TMEM268: variants seen among roughly 807,000 people sequenced by gnomAD.
TMEM268 encodes transmembrane protein 268.
A neutral mutation model predicts 39.1 loss-of-function variants in TMEM268; 24 were observed. That is an observed-to-expected ratio of 0.61 (90% CI 0.44 to 0.86). The LOEUF (loss-of-function observed/expected upper bound fraction) is 0.86. TMEM268 is among the 40% of genes least tolerant of loss of function. The probability of loss-of-function intolerance (pLI) is 0.00; values close to 1 mark genes in which losing one functional copy is unlikely to be tolerated. For missense variants in TMEM268, 409 were observed against 428.6 expected (o/e 0.95, Z 0.40); for synonymous variants, 176 against 173.5 (o/e 1.01, Z -0.12).
the TMEM268 span, among the ~76,000 whole-genome samples, chr9:114,603,956 G>C: frequency 2.0e-5 from 3 of 151,914 alleles, no homozygotes; most frequent in Admixed American, 1.3e-4. Flanking sequence ...CCTGCTAACA[G>C]CTTTCTATGT....
chr9:114,609,731 G>GAA (rs1554755158), upstream of TMEM268, among the ~76,000 whole-genome samples: 1,537 of 76,242 alleles, frequency 0.02, 26 homozygotes, highest in African/African-American at 0.08. Flanking sequence ...AAAAGAAAAA[G>GAA]AAGGAAGGAA....
upstream of TMEM268, among the ~76,000 whole-genome samples, chr9:114,606,448 A>C (rs1050020171): frequency 3.3e-5 from 5 of 152,180 alleles, no homozygotes; most frequent in African/African-American, 1.2e-4. Context: ...TCATTTGAGG[A>C]TGTGACTTCC....
At chr9:114,615,426 G>C (rs921354302) in intron 1 of TMEM268, 6 of 152,328 alleles carry the variant, frequency 3.9e-5, no homozygotes, top group Non-Finnish European at 5.9e-5. Flanking sequence ...ACTAAGAGGT[G>C]GTAGAGCTGG....
In TMEM268 at chr9:114,626,947, C is replaced by A; in HGVS notation, c.265C>A (p.Pro89Thr). The A allele has an allele frequency of 6.2e-7, 1 of 1,613,732 alleles. No individual in the cohort carries two copies. Among genetic ancestry groups the A allele is most frequent in the South Asian group, 1.1e-5 (1 of 91,064 alleles). The change falls in exon 4 of 9, where the codon CCC becomes ACC. Residue 89 changes from proline to threonine, a missense_variant. Physicochemically the swap from Pro to Thr is conservative, Grantham distance 38. Transcript: ENST00000288502. ...RSLAESALLE[P>T]QVRRYIIYNS... The stretch of plus-strand genomic sequence containing the variant: ...CTTGGCTGAGAGTGCCCTCTTGGAG[C>A]CCCAAGTGAGAAGATATATCATCTA...
upstream of TMEM268, chr9:114,611,257 G>C (rs2133576382): frequency 6.6e-6 from 1 of 152,316 alleles, no homozygotes; most frequent in Non-Finnish European, 1.5e-5. Flanking sequence ...TCCGCGCGGA[G>C]GCTCCTTCCG....
At position 114,643,174 on chromosome 9, in the gene TMEM268, A is replaced by G. The variant is rs1322720956; in HGVS notation, c.890A>G (p.Tyr297Cys). The change falls in exon 9 of 9, where the codon TAC becomes TGC. Residue 297 changes from tyrosine (Y) to cysteine (C), a missense_variant. Transcript: ENST00000288502. ...RQLLAVFGGYYIRLLVTSQLP... is the reference protein window; with the variant it reads ...RQLLAVFGGYCIRLLVTSQLP... ...CTGCTGGCAGTGTTTGGCGGCTACT[A>G]CATCCGGCTTCTAGTGACCTCCCAG... 1 of 1,614,160 alleles carries G rather than the reference A, an allele frequency of 6.2e-7. No individual in the cohort carries two copies. The highest frequency in any genetic ancestry group is 1.7e-5 in the Admixed American group (1 of 60,020).
chr9:114,605,719 G>A, the TMEM268 span, among the ~76,000 whole-genome samples: 2 of 152,002 alleles, frequency 1.3e-5, no homozygotes, highest in African/African-American at 2.4e-5. Flanking sequence ...TTAGGTGATC[G>A]ATGCCAGACT....
chr9:114,615,009 G>T (rs1043400295), intron 1 of TMEM268, among the ~76,000 whole-genome samples: 1 of 150,986 alleles, frequency 6.6e-6, no homozygotes, highest in Admixed American at 6.7e-5. Context: ...TGATTCTCCT[G>T]CCTCAGCCTC....
intron 3 of TMEM268, 73 bp downstream of exon 3, chr9:114,624,532 T>A: frequency 6.6e-7 from 1 of 1,524,890 alleles, no homozygotes. Context: ...TTCATCCAGT[T>A]TTTCACAAAA....
chr9:114,610,517 C>G (rs1437105567), upstream of TMEM268, among the ~76,000 whole-genome samples: 1 of 152,180 alleles, frequency 6.6e-6, no homozygotes, highest in East Asian at 1.9e-4. Context: ...AAAAGGCCTT[C>G]CTTTGTGTAA....
At chr9:114,637,210 AG>A in intron 7 of TMEM268, 140 bp downstream of exon 7, 1 of 565,974 alleles carries the variant, frequency 1.8e-6, no homozygotes, top group East Asian at 2.9e-5. Context: ...TGTTTTGCCT[AG>A]GGAATTATGG....
chr9:114,605,386 A>C, the TMEM268 span, among the ~76,000 whole-genome samples: 3 of 151,400 alleles, frequency 2.0e-5, no homozygotes, highest in African/African-American at 7.3e-5. Context: ...GGGTCTTAAG[A>C]GGCAGGTTAA....
At chr9:114,624,574 A>G in intron 3 of TMEM268, 115 bp downstream of exon 3, 1 of 1,425,948 alleles carries the variant, frequency 7.0e-7, no homozygotes, top group South Asian at 1.4e-5. Flanking sequence ...CAGCTGTCGT[A>G]GGGTATATAA....
At chr9:114,625,694 C>T (rs888554674) in intron 3 of TMEM268, among the ~76,000 whole-genome samples, 5 of 151,556 alleles carry the variant, frequency 3.3e-5, no homozygotes, top group Admixed American at 6.6e-5. Flanking sequence ...CCACCCGCCT[C>T]GGCCTCCCAA....
chr9:114,608,811 A>T (rs781679887), upstream of TMEM268, among the ~76,000 whole-genome samples: 1 of 152,098 alleles, frequency 6.6e-6, no homozygotes, highest in South Asian at 2.1e-4. Context: ...TTTGTGGATA[A>T]ATAAATGAAT....
Position 114,629,578 on chromosome 9 carries a change from C to T in TMEM268, c.474+1328C>T, listed in dbSNP as rs1846303244. On this transcript the variant is annotated intron_variant, in intron 5 of 8. Coordinates refer to ENST00000288502, the MANE Select transcript of TMEM268 (RefSeq NM_153045.4). ...CATCGGTGGCTTTAACTCCCCTTTG[C>T]TGTGTAACAACATTTGCACTGGTTT... Among the ~76,000 whole-genome samples the T allele has an allele frequency of 2.0e-5, 3 of 152,346 alleles. No individual in the cohort carries two copies. In the South Asian group the frequency reaches 6.2e-4, roughly 32 times the overall value.
chr9:114,603,979 T>G, the TMEM268 span, among the ~76,000 whole-genome samples: 1 of 151,992 alleles, frequency 6.6e-6, no homozygotes, highest in Non-Finnish European at 1.5e-5. Context: ...CAGCTAGTTG[T>G]AAGAACTTTT....
At chr9:114,622,697 C>T (rs1163687470) in intron 2 of TMEM268, among the ~76,000 whole-genome samples, 6 of 152,100 alleles carry the variant, frequency 3.9e-5, no homozygotes, top group South Asian at 2.1e-4. Flanking sequence ...TTTTGAAATG[C>T]GGAGTGTGTT....
intron 1 of TMEM268, among the ~76,000 whole-genome samples, chr9:114,612,738 C>T (rs1845554184): frequency 6.6e-6 from 1 of 152,192 alleles, no homozygotes; most frequent in Non-Finnish European, 1.5e-5. Flanking sequence ...TTCCGGAGAA[C>T]CCTTCCCCCA....
Sources: allele counts gnomAD v4.1 joint callset (sites outside exome capture counted in the v4.1 genomes callset), GRCh38; gene constraint gnomAD v4.1.1; transcripts MANE v1.5; gene names NCBI Gene and HGNC (gene_info 2026-07-23, HGNC 2026-07-21).